GPM6B: variants seen among roughly 807,000 people sequenced by gnomAD.
The protein encoded by GPM6B is glycoprotein M6B, also known as neuronal membrane glycoprotein M6-b.
In GPM6B, 4 loss-of-function variants were observed where a neutral mutation model predicts 27.2. The ratio of observed to expected loss-of-function variants is 0.15; its 90% confidence interval spans 0.07 to 0.34. GPM6B has a LOEUF of 0.34. GPM6B is among the 10% of genes least tolerant of loss of function. GPM6B has a pLI of 1.00. For missense variants in GPM6B, 183 were observed against 261.9 expected (o/e 0.70, Z 2.08); for synonymous variants, 124 against 103.1 (o/e 1.20, Z -1.23).
chrX:13,802,807 G>T (rs956307009), intron 2 of GPM6B, among the ~76,000 whole-genome samples: 1 of 111,497 alleles, frequency 9.0e-6, no homozygotes. Context: ...TAACTGGAAG[G>T]CATCAGACAG....
At chrX:13,796,174 C>T (rs1404154203) in intron 2 of GPM6B, among the ~76,000 whole-genome samples, 2 of 111,349 alleles carry the variant, frequency 1.8e-5, no homozygotes, top group African/African-American at 6.5e-5. Context: ...ATCCGCCCAC[C>T]TCGGCCTCCC....
intron 1 of GPM6B, among the ~76,000 whole-genome samples, chrX:13,869,358 TG>T (rs1409289110): frequency 1.9e-4 from 19 of 98,231 alleles, no homozygotes; most frequent in East Asian, 5.4e-4. Context: ...GGATATAGGT[TG>T]TTTTTTTTTT....
Position 13,814,126 on chromosome X carries a change from G to A in GPM6B, c.61+2718C>T, listed in dbSNP as rs1036520338. Among the ~76,000 whole-genome samples, 220 of 112,577 alleles carry A rather than the reference G, an allele frequency of 2.0e-3. 1 individual carries two copies. The highest frequency in any genetic ancestry group is 6.9e-3 in the African/African-American group (215 of 31,054). On this transcript the variant is annotated intron_variant, in intron 1 of 7. Coordinates refer to ENST00000316715, the MANE Select transcript of GPM6B (RefSeq NM_001001995.3). ...TAGTGAATCACAATAGCTGGGTTGTGTTGTCCCGCTGAAACTCCCAGGAAA... is the reference window on the plus strand; with the variant it reads ...TAGTGAATCACAATAGCTGGGTTGTATTGTCCCGCTGAAACTCCCAGGAAA...
intron 1 of GPM6B, among the ~76,000 whole-genome samples, chrX:13,848,012 C>T (rs2147237638): frequency 8.9e-6 from 1 of 112,007 alleles, no homozygotes; most frequent in African/African-American, 3.2e-5. Flanking sequence ...GATTCCCCTC[C>T]TTCCGGACTG....
chrX:13,936,233 G>A (rs1341384114), intron 1 of GPM6B, among the ~76,000 whole-genome samples: 1 of 112,053 alleles, frequency 8.9e-6, no homozygotes, highest in East Asian at 2.8e-4. Flanking sequence ...GCTTAACAAT[G>A]AAAAACCCAT....
At chrX:13,927,352 G>T (rs1206584820) in intron 1 of GPM6B, among the ~76,000 whole-genome samples, 2 of 112,771 alleles carry the variant, frequency 1.8e-5, no homozygotes, top group Non-Finnish European at 3.8e-5. Flanking sequence ...AGCTAGTTCA[G>T]TGTGGTGACA....
intron 1 of GPM6B, among the ~76,000 whole-genome samples, chrX:13,920,031 A>G: frequency 9.0e-6 from 1 of 110,921 alleles, no homozygotes; most frequent in Non-Finnish European, 1.9e-5. Flanking sequence ...TGGGAGGCCT[A>G]GGCAGGTGGA....
intron 5 of GPM6B, among the ~76,000 whole-genome samples, chrX:13,777,659 T>C (rs965537334): frequency 3.5e-5 from 4 of 112,701 alleles, no homozygotes; most frequent in Admixed American, 1.9e-4. Context: ...CTGATATTTT[T>C]TTCCCCTACA....
intron 1 of GPM6B, among the ~76,000 whole-genome samples, chrX:13,865,542 CAAA>C (rs1171503867): frequency 0.12 from 1,729 of 14,511 alleles, 67 homozygotes; most frequent in African/African-American, 0.22. Context: ...TCCATCTCTT[CAAA>C]AAAAAAAAAA....
chrX:13,807,290 T>A (rs1425247069), intron 2 of GPM6B, among the ~76,000 whole-genome samples: 1 of 112,022 alleles, frequency 8.9e-6, no homozygotes, highest in Non-Finnish European at 1.9e-5. Flanking sequence ...CTTGGCCACA[T>A]GGGGGATGTG....
intron 1 of GPM6B, among the ~76,000 whole-genome samples, chrX:13,878,392 A>G (rs1193352831): frequency 9.0e-6 from 1 of 110,758 alleles, no homozygotes; most frequent in Non-Finnish European, 1.9e-5. Flanking sequence ...GGGGTCTGGG[A>G]GTGAGAAGCA....
intron 1 of GPM6B, among the ~76,000 whole-genome samples, chrX:13,835,330 G>A (rs1203365059): frequency 8.9e-6 from 1 of 112,307 alleles, no homozygotes; most frequent in African/African-American, 3.2e-5. Flanking sequence ...CTGCCAGCAA[G>A]AATGGCCAAT....
intron 1 of GPM6B, among the ~76,000 whole-genome samples, chrX:13,937,286 C>T (rs1921885038): frequency 9.0e-6 from 1 of 111,705 alleles, no homozygotes; most frequent in Non-Finnish European, 1.9e-5. Context: ...AAATGTAAAC[C>T]AGAAAATTAT....
rs568133002 is a variant in GPM6B at position 13,900,434 on chromosome X, T to C, written c.-198+37893A>G. The stretch of plus-strand genomic sequence containing the variant: ...GGGCTGGAGGGAGGGTTACCCGAAA[T>C]TGGAGGGACAGTCATAACACCAGGT... On this transcript the variant is annotated intron_variant, in intron 1 of 6. Coordinates refer to the GPM6B transcript ENST00000398361. Among the ~76,000 whole-genome samples the C allele has an allele frequency of 8.1e-5, 9 of 110,901 alleles. No homozygotes were observed. The South Asian group carries it at 3.1e-3, about 38-fold the overall frequency.
intron 1 of GPM6B, among the ~76,000 whole-genome samples, chrX:13,893,095 G>A (rs2050202481): frequency 1.8e-5 from 2 of 111,669 alleles, no homozygotes; most frequent in African/African-American, 6.5e-5. Flanking sequence ...AAAACAGCGG[G>A]CCAGATTTGG....
In GPM6B at chrX:13,779,853, C is replaced by G; in HGVS notation, c.662G>C (p.Gly221Ala). Residue 221 changes from glycine (G) to alanine (A), a missense_variant, in exon 5 of 8, where the codon GGT becomes GCT. Gly to Ala is a moderately conservative substitution (Grantham distance 60, BLOSUM62 0). Coordinates refer to ENST00000316715, the MANE Select transcript of GPM6B (RefSeq NM_001001995.3). The stretch of plus-strand genomic sequence containing the variant: ...GATATCCACACAGATCTGCTCCACA[C>G]CCGTGGTCCCGTTGGTCTGCGGTGA... ...IKSPQTNGTTGVEQICVDIRQ... is the reference protein window; with the variant it reads ...IKSPQTNGTTAVEQICVDIRQ... 1 of 1,193,873 alleles carries G rather than the reference C, an allele frequency of 8.4e-7. No homozygotes were observed. Among genetic ancestry groups the G allele is most frequent in the Non-Finnish European group, 1.1e-6 (1 of 882,018 alleles).
At chrX:13,778,246 A>G (rs978601464) in intron 5 of GPM6B, among the ~76,000 whole-genome samples, 2 of 108,724 alleles carry the variant, frequency 1.8e-5, no homozygotes, top group African/African-American at 7.0e-5. Flanking sequence ...ACGGGGTTTC[A>G]CCATCTTAGC....
intron 2 of GPM6B, among the ~76,000 whole-genome samples, chrX:13,798,103 G>A (rs944043580): frequency 9.0e-6 from 1 of 110,686 alleles, no homozygotes; most frequent in Non-Finnish European, 1.9e-5. Context: ...TTAAAGAGAT[G>A]CACCATATGC....
rs1432629231 is a variant in GPM6B, at chrX:13,812,039, CTTTTCTTTCTTTTTTTTT to C, written c.62-4288_62-4271del. On this transcript the variant is annotated intron_variant, in intron 1 of 7. Coordinates refer to ENST00000316715, the MANE Select transcript of GPM6B (RefSeq NM_001001995.3). Reference sequence around the variant, plus strand: ...TGACATTTCAAAGGAGAACACTTTTCTTTTCTTTCTTTTTTTTTTTTTTTTTTTGAGACAGAGTCTCGC... The same window carrying C: ...TGACATTTCAAAGGAGAACACTTTTCTTTTTTTTTTGAGACAGAGTCTCGC... Among the ~76,000 whole-genome samples the C allele has an allele frequency of 3.8e-5, 3 of 78,979 alleles. No homozygotes were observed. The Middle Eastern group carries it at 0.02, about 523-fold the overall frequency. 68.6% of individuals were successfully genotyped at this position (78,979 alleles called of 115,157 possible).
Sources: gnomAD v4.1 joint callset for allele counts (sites outside exome capture counted in the v4.1 genomes callset) on GRCh38, gnomAD v4.1.1 for gene constraint, MANE v1.5 for transcripts, NCBI Gene and HGNC (gene_info 2026-07-23, HGNC 2026-07-21) for gene names.